The following MAGI2 variants were observed in gnomAD, a reference collection of about 807,000 sequenced individuals.
The protein encoded by MAGI2 is membrane-associated guanylate kinase, WW and PDZ domain-containing protein 2.
A neutral mutation model predicts 133.3 loss-of-function variants in MAGI2; 35 were observed. That is an observed-to-expected ratio of 0.26 (90% CI 0.20 to 0.35). The LOEUF is 0.35. Ranked by LOEUF, MAGI2 falls within the 10% of genes least tolerant of loss-of-function variation. The probability of loss-of-function intolerance (pLI) is 1.00; values close to 1 mark genes in which losing one functional copy is unlikely to be tolerated. For synonymous variants in MAGI2, 729 were observed against 710.6 expected, an observed-to-expected ratio of 1.03 and a Z score of -0.41; for missense variants, 1,636 against 1,863.4, an observed-to-expected ratio of 0.88 and a Z score of 2.25.
chr7:79,386,967 C>T (rs550286188), intron 1 of MAGI2, among the ~76,000 whole-genome samples: 1 of 149,944 alleles, frequency 6.7e-6, no homozygotes, highest in East Asian at 2.0e-4. Flanking sequence ...TTTGGCATCT[C>T]AGGATGTGTG....
At chr7:78,879,536 G>A (rs1475285783) in intron 2 of MAGI2, among the ~76,000 whole-genome samples, 2 of 151,284 alleles carry the variant, frequency 1.3e-5, no homozygotes, top group Non-Finnish European at 2.9e-5. Context: ...AGGGCAAGAG[G>A]AAAATAATGA....
chr7:79,430,236 T>C (rs1322706597), intron 1 of MAGI2, among the ~76,000 whole-genome samples: 1 of 152,176 alleles, frequency 6.6e-6, no homozygotes, highest in East Asian at 1.9e-4. Flanking sequence ...TTCTTTACTT[T>C]ATTGTGATAA....
intron 1 of MAGI2, chr7:79,172,961 C>T (rs755689777): frequency 5.9e-5 from 9 of 151,720 alleles, no homozygotes; most frequent in Admixed American, 1.3e-4. Flanking sequence ...TACTGCAAAG[C>T]GCTTGGAATA....
intron 12 of MAGI2, among the ~76,000 whole-genome samples, chr7:78,186,380 C>T (rs1226863628): frequency 6.6e-6 from 1 of 152,116 alleles, no homozygotes; most frequent in Non-Finnish European, 1.5e-5. Flanking sequence ...ACATGTTGCT[C>T]TCATACATGA....
intron 1 of MAGI2, among the ~76,000 whole-genome samples, chr7:79,303,800 A>G (rs4236602): frequency 0.99 from 150,701 of 152,312 alleles, 74,579 homozygotes; most frequent in Middle Eastern, 1. Context: ...TTGTTTATAG[A>G]TTAATATAAT....
chr7:78,982,410 T>C (rs1424849560), intron 2 of MAGI2, among the ~76,000 whole-genome samples: 1 of 151,956 alleles, frequency 6.6e-6, no homozygotes, highest in Non-Finnish European at 1.5e-5. Context: ...GTAAAGTTTT[T>C]GGCTAATTAT....
chr7:78,088,770 G>A (rs767776073), intron 20 of MAGI2, among the ~76,000 whole-genome samples: 1 of 152,188 alleles, frequency 6.6e-6, no homozygotes, highest in Non-Finnish European at 1.5e-5. Flanking sequence ...ACAGAATAAA[G>A]TCCCCCATCC....
intron 3 of MAGI2, among the ~76,000 whole-genome samples, chr7:78,573,284 T>TTTATATATATATATATTTATA (rs1563188898): frequency 7.4e-5 from 2 of 26,864 alleles, no homozygotes; most frequent in South Asian, 1.1e-3. Context: ...ATATATATAT[T>TTTATATATATATATATTTATA]TATATAAATA....
At chr7:78,159,811 C>G in intron 16 of MAGI2, 1 of 422,272 alleles carries the variant, frequency 2.4e-6, no homozygotes, top group Non-Finnish European at 4.1e-6. Flanking sequence ...GAGTTGAGGG[C>G]ATTAGTTGTG....
chr7:78,302,103 T>G (rs1797882480), intron 9 of MAGI2, among the ~76,000 whole-genome samples: 2 of 152,230 alleles, frequency 1.3e-5, no homozygotes, highest in Admixed American at 6.5e-5. Flanking sequence ...TGATCATTAT[T>G]GTATTTATAG....
chr7:79,228,612 A>G (rs904859163), intron 1 of MAGI2, among the ~76,000 whole-genome samples: 2 of 152,078 alleles, frequency 1.3e-5, no homozygotes, highest in African/African-American at 4.8e-5. Context: ...CTCTTCCAAC[A>G]ATGAAAACTA....
chr7:78,670,674 C>T (rs1190709884), intron 2 of MAGI2, among the ~76,000 whole-genome samples: 2 of 152,094 alleles, frequency 1.3e-5, no homozygotes, highest in South Asian at 4.1e-4. Context: ...TCAAACTCAA[C>T]TACAAGGCTA....
intron 1 of MAGI2, among the ~76,000 whole-genome samples, chr7:79,121,536 T>C (rs577528146): frequency 6.6e-6 from 1 of 152,242 alleles, no homozygotes; most frequent in African/African-American, 2.4e-5. Flanking sequence ...GCCTTATGTA[T>C]CATCCCATGG....
At chr7:78,080,923 C>A in intron 20 of MAGI2, among the ~76,000 whole-genome samples, 1 of 152,170 alleles carries the variant, frequency 6.6e-6, no homozygotes, top group East Asian at 1.9e-4. Flanking sequence ...TCAATTCAGG[C>A]CTTTACATGG....
At chr7:78,106,861 G>C (rs1023719232) in intron 20 of MAGI2, among the ~76,000 whole-genome samples, 5 of 151,938 alleles carry the variant, frequency 3.3e-5, no homozygotes, top group Admixed American at 2.6e-4. Context: ...TTTTTAACTG[G>C]ATGTGATCCC....
intron 1 of MAGI2, among the ~76,000 whole-genome samples, chr7:79,443,816 T>A (rs1276283328): frequency 6.6e-6 from 1 of 152,190 alleles, no homozygotes; most frequent in Non-Finnish European, 1.5e-5. Flanking sequence ...CACAATGTAA[T>A]ATAAAAATAG....
chr7:78,324,264 G>A (rs909872171), intron 9 of MAGI2, among the ~76,000 whole-genome samples: 4 of 151,938 alleles, frequency 2.6e-5, no homozygotes, highest in African/African-American at 9.7e-5. Context: ...CTGGTGGAGA[G>A]TGAGAATTTT....
At chr7:78,952,854 G>C (rs1382434561) in intron 2 of MAGI2, among the ~76,000 whole-genome samples, 1 of 152,116 alleles carries the variant, frequency 6.6e-6, no homozygotes, top group Non-Finnish European at 1.5e-5. Context: ...GGTCATCCAA[G>C]GATTGAAACA....
At chr7:79,007,600 T>C (rs1271145529) in intron 1 of MAGI2, among the ~76,000 whole-genome samples, 1 of 152,142 alleles carries the variant, frequency 6.6e-6, no homozygotes, top group African/African-American at 2.4e-5. Flanking sequence ...ACCACTTTTC[T>C]GTCTATAAAT....
Sources: gnomAD v4.1 joint callset for allele counts (sites outside exome capture counted in the v4.1 genomes callset) on GRCh38, gnomAD v4.1.1 for gene constraint, MANE v1.5 for transcripts, NCBI Gene and HGNC (gene_info 2026-07-23, HGNC 2026-07-21) for gene names.